NRXN3: variants seen among roughly 807,000 people sequenced by gnomAD.
NRXN3 encodes neurexin III.
Under a neutral mutation model 137.6 loss-of-function variants are expected in NRXN3, and 32 were observed. The ratio of observed to expected loss-of-function variants is 0.23; its 90% CI spans 0.18 to 0.31. The LOEUF (loss-of-function observed/expected upper bound fraction) is 0.31, where lower values mean the gene tolerates loss of function less well. NRXN3 is among the 10% of genes least tolerant of loss of function. The probability of loss-of-function intolerance (pLI) is 1.00; values close to 1 mark genes in which losing one functional copy is unlikely to be tolerated. For synonymous variants in NRXN3, 798 were observed against 784.5 expected, an observed-to-expected ratio of 1.02 and a Z score of -0.29; for missense variants, 1,574 against 2,062.5, an observed-to-expected ratio of 0.76 and a Z score of 4.59.
At chr14:79,639,977 A>C (rs2098424760) in intron 16 of NRXN3, among the ~76,000 whole-genome samples, 1 of 85,380 alleles carries the variant, frequency 1.2e-5, no homozygotes, top group African/African-American at 2.8e-5. Context: ...GTGGACATTT[A>C]GAATGGCACA....
intron 16 of NRXN3, among the ~76,000 whole-genome samples, chr14:79,524,965 TC>T: frequency 6.6e-6 from 1 of 152,244 alleles, no homozygotes; most frequent in South Asian, 2.1e-4. Flanking sequence ...TTCCTTTTTT[TC>T]TGGGTAGGGG....
chr14:79,611,712 C>G (rs2098105503), intron 16 of NRXN3: 1 of 152,240 alleles, frequency 6.6e-6, no homozygotes, highest in Non-Finnish European at 1.5e-5. Context: ...AATTCCTTAT[C>G]TTTCAGAAAG....
chr14:79,556,008 G>A (rs1352286086), intron 16 of NRXN3, among the ~76,000 whole-genome samples: 1 of 152,108 alleles, frequency 6.6e-6, no homozygotes, highest in African/African-American at 2.4e-5. Context: ...AATACAAATT[G>A]CCCCAGAAAG....
intron 15 of NRXN3, among the ~76,000 whole-genome samples, chr14:78,999,710 C>T (rs1362777477): frequency 6.6e-6 from 1 of 152,118 alleles, no homozygotes; most frequent in Non-Finnish European, 1.5e-5. Flanking sequence ...GTCATTCATA[C>T]ATACATCTAT....
At chr14:79,805,027 T>C in intron 19 of NRXN3, 85 bp from the exon 20 acceptor site, 1 of 917,448 alleles carries the variant, frequency 1.1e-6, no homozygotes. Context: ...GTGATAAATC[T>C]TTGATGTCTT....
At chr14:79,846,461 T>TGC (rs1406123039) in intron 20 of NRXN3, among the ~76,000 whole-genome samples, 7 of 152,218 alleles carry the variant, frequency 4.6e-5, no homozygotes, top group Admixed American at 6.5e-5. Context: ...ACCCAACACT[T>TGC]AGAATGGTAT....
intron 15 of NRXN3, among the ~76,000 whole-genome samples, chr14:79,382,304 ACAAAGATAC>A (rs1445571343): frequency 6.6e-6 from 1 of 152,202 alleles, no homozygotes; most frequent in Non-Finnish European, 1.5e-5. Context: ...TGGAGAAAGT[ACAAAGATAC>A]CTTGCAAGAA....
chr14:78,185,747 C>A (rs1362641054), intron 1 of NRXN3, among the ~76,000 whole-genome samples: 4 of 152,176 alleles, frequency 2.6e-5, no homozygotes, highest in Non-Finnish European at 5.9e-5. Flanking sequence ...CAATGAAGAT[C>A]TGGAGAGAAT....
chr14:78,685,517 A>G (rs2098117521), intron 6 of NRXN3, among the ~76,000 whole-genome samples: 1 of 151,796 alleles, frequency 6.6e-6, no homozygotes, highest in South Asian at 2.1e-4. Flanking sequence ...TGCTGTTCAC[A>G]TGACTGCTCA....
intron 15 of NRXN3, among the ~76,000 whole-genome samples, chr14:79,077,519 G>A (rs552313752): frequency 2.0e-5 from 3 of 151,960 alleles, no homozygotes; most frequent in African/African-American, 7.3e-5. Context: ...TTTTATCAAA[G>A]ATATGTACTA....
At chr14:79,183,824 C>T (rs368981020) in intron 15 of NRXN3, among the ~76,000 whole-genome samples, 1 of 152,178 alleles carries the variant, frequency 6.6e-6, no homozygotes, top group Non-Finnish European at 1.5e-5. Flanking sequence ...ACGTTTCAAT[C>T]CCACAAAGTT....
intron 4 of NRXN3, among the ~76,000 whole-genome samples, chr14:78,538,649 T>C (rs892683341): frequency 6.7e-6 from 1 of 149,674 alleles, no homozygotes; most frequent in Non-Finnish European, 1.5e-5. Context: ...TCCAACACTA[T>C]GTTGAATGGG....
chr14:79,757,341 A>C (rs2099023213), intron 19 of NRXN3, among the ~76,000 whole-genome samples: 1 of 152,194 alleles, frequency 6.6e-6, no homozygotes. Flanking sequence ...AAATAAGACC[A>C]CCTTGGTACT....
intron 10 of NRXN3, among the ~76,000 whole-genome samples, chr14:78,922,542 A>C (rs2099273708): frequency 1.3e-5 from 2 of 152,178 alleles, no homozygotes; most frequent in Admixed American, 1.3e-4. Context: ...GGGACTTTGA[A>C]TATGCTATAT....
intron 1 of NRXN3, among the ~76,000 whole-genome samples, chr14:78,181,159 T>C (rs1039416766): frequency 1.3e-5 from 2 of 152,334 alleles, no homozygotes; most frequent in African/African-American, 2.4e-5. Context: ...GCAATGTTTA[T>C]AGTGTATTGA....
intron 10 of NRXN3, among the ~76,000 whole-genome samples, chr14:78,883,486 A>G (rs1399675285): frequency 6.6e-6 from 1 of 152,198 alleles, no homozygotes; most frequent in East Asian, 1.9e-4. Flanking sequence ...ATATAAAGGG[A>G]GTAAAGTCAG....
chr14:78,819,683 G>C (rs146553920), intron 10 of NRXN3, among the ~76,000 whole-genome samples: 1 of 152,134 alleles, frequency 6.6e-6, no homozygotes, highest in Non-Finnish European at 1.5e-5. Context: ...TCCCTGAGCA[G>C]AACAAAGCCA....
chr14:78,612,087 G>A (rs939792809), intron 4 of NRXN3, among the ~76,000 whole-genome samples: 8 of 152,180 alleles, frequency 5.3e-5, no homozygotes, highest in African/African-American at 1.7e-4. Flanking sequence ...GCAAAAGACC[G>A]TGGTACATTG....
intron 15 of NRXN3, among the ~76,000 whole-genome samples, chr14:79,010,358 C>A (rs534637768): frequency 2.0e-5 from 3 of 152,276 alleles, no homozygotes; most frequent in African/African-American, 7.2e-5. Context: ...GTCTACCCAC[C>A]TACCCACCCA....
Sources: allele counts gnomAD v4.1 joint callset (sites outside exome capture counted in the v4.1 genomes callset), GRCh38; gene constraint gnomAD v4.1.1; transcripts MANE v1.5; gene names NCBI Gene and HGNC (gene_info 2026-07-23, HGNC 2026-07-21).